The following PAICS variants were observed in gnomAD, a reference collection of about 807,000 sequenced individuals.
PAICS encodes phosphoribosylaminoimidazole carboxylase and phosphoribosylaminoimidazolesuccinocarboxamide synthase, also known as bifunctional phosphoribosylaminoimidazole carboxylase/phosphoribosylaminoimidazole succinocarboxamide synthetase.
Under a neutral mutation model 53.7 loss-of-function variants are expected in PAICS, and 33 were observed. That is an observed-to-expected ratio of 0.61 (90% CI 0.47 to 0.82). The LOEUF is 0.82. PAICS is among the 40% of genes least tolerant of loss of function. The pLI is 0.00. For missense variants in PAICS, 394 were observed against 494.1 expected (o/e 0.80, Z 1.92); for synonymous variants, 141 against 167.2 (o/e 0.84, Z 1.21).
At chr4:56,458,087 G>A (rs923028161) in intron 8 of PAICS, among the ~76,000 whole-genome samples, 3 of 152,132 alleles carry the variant, frequency 2.0e-5, no homozygotes, top group Non-Finnish European at 4.4e-5. Flanking sequence ...GCTTACAAAA[G>A]GGGAGCATGA....
the PAICS span, among the ~76,000 whole-genome samples, chr4:56,413,425 C>T: frequency 1.3e-5 from 2 of 152,070 alleles, no homozygotes; most frequent in East Asian, 3.9e-4. Context: ...AAAGTGCTGG[C>T]ATTACAGGCC....
chr4:56,421,566 T>A, the PAICS span: 1 of 152,198 alleles, frequency 6.6e-6, no homozygotes, highest in Non-Finnish European at 1.5e-5. Context: ...CCACAGTGTC[T>A]CCGGATTTTA....
At chr4:56,452,885 G>A (rs937081848) in intron 7 of PAICS, among the ~76,000 whole-genome samples, 20 of 152,164 alleles carry the variant, frequency 1.3e-4, no homozygotes, top group African/African-American at 1.9e-4. Context: ...TGATTATTTC[G>A]TGTACAGGTT....
Position 56,459,503 on chromosome 4 carries a change from C to A in PAICS, c.1243C>A (p.Gln415Lys). ...TTTGAACACATGGATTTCCTTGAAG[C>A]AGGCTGACAAGAAAATCAGAGAATG... ...SILNTWISLK[Q>K]ADKKIRECNL is the part of the protein sequence containing the mutation. Residue 415 changes from glutamine to lysine, a missense_variant, in exon 9 of 9, where the codon CAG becomes AAG. This residue lies in a region of PAICS where 95 missense variants were observed against 89.3 expected (regional missense o/e 1.06). Transcript: ENST00000512576. 1 of 1,577,822 alleles carries A rather than the reference C, an allele frequency of 6.3e-7. No homozygotes were observed. The highest frequency in any genetic ancestry group is 8.7e-7 in the Non-Finnish European group (1 of 1,154,592).
intron 2 of PAICS, among the ~76,000 whole-genome samples, chr4:56,443,316 G>A (rs1718428390): frequency 6.6e-6 from 1 of 152,092 alleles, no homozygotes; most frequent in African/African-American, 2.4e-5. Context: ...CCAGTAGCTG[G>A]GATTACAGTT....
At chr4:56,438,597 C>G (rs1718175900) in intron 1 of PAICS, among the ~76,000 whole-genome samples, 1 of 151,400 alleles carries the variant, frequency 6.6e-6, no homozygotes, top group South Asian at 2.1e-4. Context: ...CCACACCCGG[C>G]TAATTTTTTT....
chr4:56,435,267 G>A, upstream of PAICS: 1 of 1,584,186 alleles, frequency 6.3e-7, no homozygotes, highest in Non-Finnish European at 8.6e-7. Context: ...CGGGCCCTCG[G>A]GCGCTCATGA....
At chr4:56,436,670 CTA>C in intron 1 of PAICS, 1 of 559,178 alleles carries the variant, frequency 1.8e-6, no homozygotes, top group Non-Finnish European at 3.4e-6. Flanking sequence ...AATGACCTTT[CTA>C]AGAAGGTTAA....
At chr4:56,435,855 C>A (rs200303380), upstream of PAICS, 3,567 of 1,488,734 alleles carry the variant, frequency 2.4e-3, 118 homozygotes, top group South Asian at 0.035. Flanking sequence ...ACGGACTTAA[C>A]CTCATTTCTC....
chr4:56,457,408 A>G (rs1445602482), intron 8 of PAICS, among the ~76,000 whole-genome samples: 1 of 152,174 alleles, frequency 6.6e-6, no homozygotes, highest in Non-Finnish European at 1.5e-5. Context: ...ACCGTGTCTC[A>G]GAAAAAAATA....
At chr4:56,436,004 G>C, upstream of PAICS, 4 of 1,526,326 alleles carry the variant, frequency 2.6e-6, no homozygotes, top group Non-Finnish European at 3.5e-6. Flanking sequence ...AGTGGGGAGG[G>C]GCCGCCAGTG....
chr4:56,432,388 T>C (rs887576568), upstream of PAICS, among the ~76,000 whole-genome samples: 1 of 150,864 alleles, frequency 6.6e-6, no homozygotes, highest in Non-Finnish European at 1.5e-5. Flanking sequence ...ATTACCTGAG[T>C]GTGGTGGCGG....
chr4:56,441,835 T>C lies in PAICS; in HGVS notation c.189T>C (p.Cys63=). 4.4e-6 allele frequency: 7 copies of C among 1,597,030 alleles called. No individual in the cohort carries two copies. Among genetic ancestry groups the C allele is most frequent in the Non-Finnish European group, 5.1e-6 (6 of 1,171,492 alleles). The change falls in exon 2 of 9, where the codon TGT becomes TGC. Residue 63 remains cysteine, a synonymous_variant. Coordinates refer to ENST00000512576, the MANE Select transcript of PAICS (RefSeq NM_001079524.2). ...CAATCTCAAATAAAATCACCAGTTGTATTTTTCAGTTATTACAGGAAGCAG... is the reference window on the plus strand; with the variant it reads ...CAATCTCAAATAAAATCACCAGTTGCATTTTTCAGTTATTACAGGAAGCAG... ...KAAISNKITS[C]IFQLLQEAGI...
chr4:56,423,627 T>C, the PAICS span, among the ~76,000 whole-genome samples: 4 of 151,806 alleles, frequency 2.6e-5, no homozygotes, highest in East Asian at 1.9e-4. Context: ...ATTTTTTACA[T>C]GTAGAAGAAA....
intron 8 of PAICS, among the ~76,000 whole-genome samples, chr4:56,459,030 T>C (rs927324151): frequency 6.6e-6 from 1 of 152,224 alleles, no homozygotes; most frequent in Non-Finnish European, 1.5e-5. Flanking sequence ...TGACCCTTAT[T>C]TTGCTTCAGT....
intron 5 of PAICS, among the ~76,000 whole-genome samples, chr4:56,449,868 C>G (rs895204312): frequency 6.7e-6 from 1 of 149,970 alleles, no homozygotes; most frequent in Non-Finnish European, 1.5e-5. Context: ...CCCAGCTTCT[C>G]GGAAGGCTGA....
chr4:56,433,761 C>T (rs1268279113), upstream of PAICS, among the ~76,000 whole-genome samples: 1 of 151,022 alleles, frequency 6.6e-6, no homozygotes, highest in African/African-American at 2.4e-5. Flanking sequence ...GTGGCGTGAT[C>T]TCTGCTCTCT....
At chr4:56,433,933 G>T (rs979389148), upstream of PAICS, among the ~76,000 whole-genome samples, 2 of 152,050 alleles carry the variant, frequency 1.3e-5, no homozygotes, top group African/African-American at 4.8e-5. Flanking sequence ...CTCGTGATCC[G>T]CCCGCCTCGG....
At chr4:56,422,619 T>G in the PAICS span, 22 of 152,194 alleles carry the variant, frequency 1.4e-4, no homozygotes, top group Admixed American at 1.4e-3. Context: ...CCCAATGTGA[T>G]GTATTTGGAG....
Sources: gnomAD v4.1 joint callset for allele counts (sites outside exome capture counted in the v4.1 genomes callset) on GRCh38, gnomAD v4.1.1 for gene constraint, gnomAD v4.1.1 regional missense constraint, MANE v1.5 for transcripts, NCBI Gene and HGNC (gene_info 2026-07-23, HGNC 2026-07-21) for gene names.